CTBS: variants seen among roughly 807,000 people sequenced by gnomAD.
The protein encoded by CTBS is chitobiase.
CTBS carries 35 observed loss-of-function variants against 44.3 expected under a neutral mutation model. The observed-to-expected ratio is 0.79, with a 90% CI of 0.60 to 1.05. CTBS has a LOEUF of 1.05. CTBS is among the 50% of genes least tolerant of loss of function. The pLI, the probability that CTBS is intolerant of heterozygous loss-of-function variation, is 0.00. For missense variants in CTBS, 458 were observed against 475.3 expected (o/e 0.96, Z 0.34); for synonymous variants, 143 against 168.0 (o/e 0.85, Z 1.15).
chr1:84,549,702 G>A lies in CTBS; in HGVS notation c.*5297C>T, dbSNP rs1684212815. On this transcript the variant is annotated 3_prime_UTR_variant, in exon 7 of 7. Coordinates refer to ENST00000370630, the MANE Select transcript of CTBS (RefSeq NM_004388.3). ...AAGAGGGCATTTAACAATTTGATTT[G>A]GGTTGGATCAATCCCACTTATCCAA... 6.6e-6 allele frequency: 1 copy of A among 151,822 alleles called. No homozygotes were observed. Among genetic ancestry groups the A allele is most frequent in the South Asian group, 2.1e-4 (1 of 4,810 alleles). The allele number at this position is 151,822 out of a possible 1,614,324, so 9.4% of individuals were successfully genotyped here. A position where few individuals can be genotyped will look rare whatever the true frequency, so the allele number is the denominator to read the frequency against.
rs41284597 is a variant in CTBS, at chr1:84,563,693, A to C, written c.795+42T>G. The C allele has an allele frequency of 0.047, 56,739 of 1,208,672 alleles. 1,663 individuals carry two copies. The highest frequency in any genetic ancestry group is 0.058 in the Non-Finnish European group (49,836 of 858,220). 74.9% of individuals were successfully genotyped at this position (1,208,672 alleles called of 1,614,324 possible). ...TGAAAACAGAGAGACTCTAAAAAATATAATAGATAATAAAAATTATGTAAC... is the reference window on the plus strand; with the variant it reads ...TGAAAACAGAGAGACTCTAAAAAATCTAATAGATAATAAAAATTATGTAAC... On this transcript the variant is annotated intron_variant, in intron 5 of 6. Coordinates refer to ENST00000370630, the MANE Select transcript of CTBS (RefSeq NM_004388.3).
chr1:84,572,753 G>A (rs952848755), intron 1 of CTBS, among the ~76,000 whole-genome samples: 1 of 151,024 alleles, frequency 6.6e-6, no homozygotes, highest in Non-Finnish European at 1.5e-5. Flanking sequence ...GCAACCTTCC[G>A]CCTCCCGCTC....
intron 1 of CTBS, chr1:84,573,886 T>C: frequency 8.9e-7 from 1 of 1,127,264 alleles, no homozygotes; most frequent in South Asian, 2.9e-5. Flanking sequence ...GAAATCCTCG[T>C]TCCTTGGAAA....
At chr1:84,564,390 T>A (rs1684650398) in intron 4 of CTBS, among the ~76,000 whole-genome samples, 1 of 152,238 alleles carries the variant, frequency 6.6e-6, no homozygotes, top group Non-Finnish European at 1.5e-5. Flanking sequence ...AAACATGTTT[T>A]TCCACCAAGA....
chr1:84,557,073 C>G (rs1331474527), intron 6 of CTBS, among the ~76,000 whole-genome samples: 1 of 152,014 alleles, frequency 6.6e-6, no homozygotes, highest in Non-Finnish European at 1.5e-5. Context: ...GAACAAAGGG[C>G]AAAAACTAAG....
chr1:84,563,267 T>C lies in CTBS; in HGVS notation c.947A>G (p.Tyr316Cys), dbSNP rs779414200. 9.0e-6 allele frequency: 14 copies of C among 1,547,546 alleles called. 1 individual carries two copies. The highest frequency in any genetic ancestry group is 2.0e-4 in the Middle Eastern group (1 of 5,028). ...TACGAAAAGTCTTACTTTATAGTTA[T>C]AATAAGGAGCCCGCTGATCTTTATC... ...LWDKDQRAPY[Y>C]NYKDPAGHFH... The change falls in exon 6 of 7, where the codon TAT (tyrosine) becomes TGT (cysteine). Residue 316 changes from tyrosine to cysteine, a missense_variant. Physicochemically the swap from Tyr to Cys is radical, Grantham distance 194 (BLOSUM62 -2). Coordinates refer to ENST00000370630, the MANE Select transcript of CTBS (RefSeq NM_004388.3).
At chr1:84,568,870 T>C (rs1320430770) in intron 3 of CTBS, among the ~76,000 whole-genome samples, 1 of 152,084 alleles carries the variant, frequency 6.6e-6, no homozygotes, top group African/African-American at 2.4e-5. Flanking sequence ...TGACTGTAAG[T>C]TTTCCTGAGG....
chr1:84,562,546 T>G (rs1025381352), intron 6 of CTBS, among the ~76,000 whole-genome samples: 15 of 152,314 alleles, frequency 9.8e-5, no homozygotes, highest in East Asian at 1.9e-4. Flanking sequence ...CCTTTTAAAG[T>G]AACATAATCT....
chr1:84,562,910 G>A (rs759624122), intron 6 of CTBS, among the ~76,000 whole-genome samples: 35 of 152,136 alleles, frequency 2.3e-4, no homozygotes, highest in Non-Finnish European at 4.3e-4. Flanking sequence ...GGCTTTCAGA[G>A]ATAGTAACTT....
intron 6 of CTBS, among the ~76,000 whole-genome samples, chr1:84,560,726 G>T (rs1684579873): frequency 6.6e-6 from 1 of 152,116 alleles, no homozygotes; most frequent in African/African-American, 2.4e-5. Flanking sequence ...TTAAGTTGAA[G>T]CCAGTGTTCA....
At chr1:84,561,215 A>T (rs571182668) in intron 6 of CTBS, among the ~76,000 whole-genome samples, 1 of 152,234 alleles carries the variant, frequency 6.6e-6, no homozygotes, top group African/African-American at 2.4e-5. Context: ...CATTAACAGG[A>T]GTTTGGAAGA....
At chr1:84,561,374 T>C (rs1034302464) in intron 6 of CTBS, among the ~76,000 whole-genome samples, 1 of 152,254 alleles carries the variant, frequency 6.6e-6, no homozygotes, top group Non-Finnish European at 1.5e-5. Context: ...GTGATAAAAT[T>C]TGAATAGATG....
chr1:84,570,189 T>C, intron 2 of CTBS, 50 bp from the exon 3 acceptor site: 1 of 1,509,190 alleles, frequency 6.6e-7, no homozygotes, highest in Non-Finnish European at 9.1e-7. Flanking sequence ...AACATTTCAT[T>C]ATTTTGGAAG....
In CTBS at chr1:84,554,742, C is replaced by T. The variant is rs972826677; in HGVS notation, c.*257G>A. The T allele has an allele frequency of 2.0e-5, 6 of 306,354 alleles. 1 individual carries two copies. In the Admixed American group the frequency reaches 2.7e-4, roughly 14 times the overall value. 19.0% of individuals were successfully genotyped at this position (306,354 alleles called of 1,614,324 possible). On this transcript the variant is annotated 3_prime_UTR_variant, in exon 7 of 7. Coordinates refer to ENST00000370630, the MANE Select transcript of CTBS (RefSeq NM_004388.3). ...TAATAAAATTCTGAAAGCAATTTTT[C>T]CCAATTAAATTATAGTGTTGAAACA...
intron 6 of CTBS, among the ~76,000 whole-genome samples, chr1:84,557,351 G>A (rs1242047456): frequency 6.6e-6 from 1 of 151,980 alleles, no homozygotes; most frequent in Non-Finnish European, 1.5e-5. Flanking sequence ...TGGCCAACAT[G>A]GTGAAACCCT....
chr1:84,563,639 C>A, intron 5 of CTBS, 96 bp downstream of exon 5: 1 of 768,250 alleles, frequency 1.3e-6, no homozygotes. Flanking sequence ...AACTATATTT[C>A]AGAGATTCTA....
Position 84,554,568 on chromosome 1 carries a change from T to G in CTBS, c.*431A>C. The G allele has an allele frequency of 6.3e-6, 1 of 158,178 alleles. No homozygotes were observed. The highest frequency in any genetic ancestry group is 1.4e-5 in the Non-Finnish European group (1 of 71,550). The allele number at this position is 158,178 out of a possible 1,614,324, so 9.8% of individuals were successfully genotyped here. On this transcript the variant is annotated 3_prime_UTR_variant, in exon 7 of 7. Coordinates refer to ENST00000370630, the MANE Select transcript of CTBS (RefSeq NM_004388.3). ...TTTAAATTTAAGATTTATTGGAGGGTTGGGGGAAAAGTATAGCACAAACTG... is the reference window on the plus strand; with the variant it reads ...TTTAAATTTAAGATTTATTGGAGGGGTGGGGGAAAAGTATAGCACAAACTG...
At chr1:84,574,203 A>C in intron 1 of CTBS, 36 bp downstream of exon 1, 1 of 1,593,616 alleles carries the variant, frequency 6.3e-7, no homozygotes, top group Non-Finnish European at 8.5e-7. Flanking sequence ...TCGTGCCCTG[A>C]AGCCCAGACC....
Position 84,561,769 on chromosome 1 carries a change from T to G in CTBS, c.957+1488A>C, listed in dbSNP as rs138409043. On this transcript the variant is annotated intron_variant, in intron 6 of 6. Coordinates refer to ENST00000370630, the MANE Select transcript of CTBS (RefSeq NM_004388.3). ...CTCTTCCAGCAAGCAGGTTATAACT[T>G]GATAAAGGCTCAGATGATCGTTATC... is the stretch of plus-strand genomic sequence containing the variant. Among the ~76,000 whole-genome samples, 197 of 152,342 alleles carry G rather than the reference T, an allele frequency of 1.3e-3. 4 individuals are homozygous for G. In the East Asian group the frequency reaches 0.031, roughly 24 times the overall value.
Sources: allele counts gnomAD v4.1 joint callset (sites outside exome capture counted in the v4.1 genomes callset), GRCh38; gene constraint gnomAD v4.1.1; transcripts MANE v1.5; gene names NCBI Gene and HGNC (gene_info 2026-07-23, HGNC 2026-07-21).